Variants in TULP4 observed in about 807,000 individuals in gnomAD.
TULP4 encodes the protein tubby-related protein 4.
TULP4 carries 16 observed loss-of-function variants against 129.0 expected under a neutral mutation model. The ratio of observed to expected loss-of-function variants is 0.12; its 90% confidence interval spans 0.08 to 0.19. TULP4 has a LOEUF of 0.19. Among genes scored for constraint, TULP4 ranks in the 10% least tolerant of loss-of-function variants. TULP4 has a pLI of 1.00. For synonymous variants in TULP4, 998 were observed against 854.0 expected (o/e 1.17, Z -2.94); for missense variants, 1,842 against 2,059.1 (o/e 0.89, Z 2.04).
intron 1 of TULP4, among the ~76,000 whole-genome samples, chr6:158,254,242 AAATGATTCTC>A (rs1364255026): frequency 6.6e-6 from 1 of 152,120 alleles, no homozygotes; most frequent in Non-Finnish European, 1.5e-5. Context: ...TTCTGGGTTT[AAATGATTCTC>A]ATGACTCAGC....
rs1285720539 is a variant in TULP4 at position 158,508,442 on chromosome 6, C to G, written c.*1748C>G. The G allele has an allele frequency of 6.6e-6, 1 of 152,282 alleles. No individual in the cohort carries two copies. The highest frequency in any genetic ancestry group is 1.5e-5 in the Non-Finnish European group (1 of 68,048). The allele number at this position is 152,282 out of a possible 1,614,324, so 9.4% of individuals were successfully genotyped here. A position where few individuals can be genotyped will look rare whatever the true frequency, so the allele number is the denominator to read the frequency against. The stretch of plus-strand genomic sequence containing the variant: ...GACATGACATCACTCCCAATTCTCT[C>G]CAAACCCCAGAGAAATACTGACGAA... On this transcript the variant is annotated 3_prime_UTR_variant, in exon 14 of 14. Coordinates refer to ENST00000367097, the MANE Select transcript of TULP4 (RefSeq NM_020245.5).
intron 1 of TULP4, among the ~76,000 whole-genome samples, chr6:158,258,177 A>G (rs1304013292): frequency 6.6e-6 from 1 of 152,212 alleles, no homozygotes; most frequent in African/African-American, 2.4e-5. Context: ...CGTTGGAAGG[A>G]TTCTGGGCTG....
At chr6:158,421,497 T>G (rs928666099) in intron 2 of TULP4, among the ~76,000 whole-genome samples, 5 of 152,212 alleles carry the variant, frequency 3.3e-5, no homozygotes, top group Admixed American at 1.3e-4. Flanking sequence ...AGACCCGGGA[T>G]TGATAGAAAG....
chr6:158,429,563 A>T (rs1178417720), intron 2 of TULP4, among the ~76,000 whole-genome samples, 173 bp from the exon 3 acceptor site: 13 of 152,218 alleles, frequency 8.5e-5, no homozygotes, highest in Non-Finnish European at 2.9e-5. Context: ...TACAGGCATG[A>T]GGCACTGTGG....
At chr6:158,473,244 G>A (rs946479178) in intron 6 of TULP4, among the ~76,000 whole-genome samples, 39 of 152,140 alleles carry the variant, frequency 2.6e-4, no homozygotes, top group African/African-American at 7.2e-4. Flanking sequence ...CTTTCACTTA[G>A]GATTAACTCT....
In TULP4 at chr6:158,313,942, A is replaced by G. The variant is rs1003355135; in HGVS notation, c.-75A>G. On this transcript the variant is annotated 5_prime_UTR_variant, in exon 1 of 14. In the 5' UTR this introduces an upstream ATG that the reference lacks. Transcript: ENST00000367097. ...GCAAGCCAACCACAAAAACACATAT[A>G]CCAATGAAAGAAATTGGTTTAAATT... The G allele has an allele frequency of 2.6e-5, 40 of 1,549,026 alleles. No homozygotes were observed. The African/African-American group carries it at 4.6e-4, about 18-fold the overall frequency.
At chr6:158,283,149 A>C (rs1010997732) in intron 1 of TULP4, among the ~76,000 whole-genome samples, 3 of 151,802 alleles carry the variant, frequency 2.0e-5, no homozygotes, top group African/African-American at 4.9e-5. Flanking sequence ...AAAAAAAAAA[A>C]AACAAAAAAA....
chr6:158,505,372 G>A (rs1025958866), intron 13 of TULP4, among the ~76,000 whole-genome samples: 3 of 152,220 alleles, frequency 2.0e-5, no homozygotes, highest in Admixed American at 6.5e-5. Context: ...CTGGCCAGCC[G>A]CCTCTTTTTG....
intron 1 of TULP4, among the ~76,000 whole-genome samples, chr6:158,338,036 G>A (rs1780087742): frequency 6.6e-6 from 1 of 152,176 alleles, no homozygotes; most frequent in Admixed American, 6.5e-5. Context: ...AGTTATTGAA[G>A]GGTAGGTACA....
At chr6:158,381,968 TGAGCTCTTTTAGG>T (rs1310456764) in intron 1 of TULP4, among the ~76,000 whole-genome samples, 1 of 152,198 alleles carries the variant, frequency 6.6e-6, no homozygotes, top group African/African-American at 2.4e-5. Context: ...TACTAGACAG[TGAGCTCTTTTAGG>T]GAGGGAACAT....
In TULP4 at chr6:158,501,856, A is replaced by G. The variant is rs1562593497; in HGVS notation, c.2193A>G (p.Val731=). 1 of 1,614,150 alleles carries G rather than the reference A, an allele frequency of 6.2e-7. No homozygotes were observed. Among genetic ancestry groups the G allele is most frequent in the South Asian group, 1.1e-5 (1 of 91,086 alleles). The part of the protein sequence containing the change: ...LDVLTNQTTA[V]GTAEHAGDSA... ...TCCTGACCAACCAGACGACAGCTGT[A>G]GGGACAGCAGAACATGCAGGTGACA... Residue 731 remains valine (V), a synonymous_variant, in exon 13 of 14, where the codon GTA becomes GTG. Transcript: ENST00000367097.
At chr6:158,309,056 G>C (rs1457267398), upstream of TULP4, among the ~76,000 whole-genome samples, 1 of 137,262 alleles carries the variant, frequency 7.3e-6, no homozygotes, top group African/African-American at 2.7e-5. Context: ...CTCCCGGACG[G>C]GGTGGCTGCC....
intron 1 of TULP4, among the ~76,000 whole-genome samples, chr6:158,272,259 A>G (rs1474483180): frequency 6.6e-6 from 1 of 152,314 alleles, no homozygotes; most frequent in African/African-American, 2.4e-5. Flanking sequence ...GTGGTCACCA[A>G]TGTTTTTATC....
intron 1 of TULP4, among the ~76,000 whole-genome samples, chr6:158,257,156 C>G (rs1056623465): frequency 6.6e-6 from 1 of 152,138 alleles, no homozygotes; most frequent in Non-Finnish European, 1.5e-5. Flanking sequence ...TGTTGTTACT[C>G]ATTTCAGAAG....
intron 1 of TULP4, among the ~76,000 whole-genome samples, chr6:158,239,885 G>A: frequency 6.1e-5 from 4 of 65,632 alleles, no homozygotes; most frequent in Non-Finnish European, 1.1e-4. Flanking sequence ...CCCAGTAGGG[G>A]CGGCCGGGCA....
At chr6:158,457,509 G>A (rs982975134) in intron 5 of TULP4, among the ~76,000 whole-genome samples, 3 of 152,202 alleles carry the variant, frequency 2.0e-5, no homozygotes, top group East Asian at 1.9e-4. Context: ...TCTTCATCAC[G>A]CAATAAGCAG....
At chr6:158,423,079 C>A (rs558571261) in intron 2 of TULP4, among the ~76,000 whole-genome samples, 3 of 149,862 alleles carry the variant, frequency 2.0e-5, no homozygotes, top group African/African-American at 7.3e-5. Context: ...GAAGTGGAGA[C>A]CTGCCTGGGC....
chr6:158,263,624 G>T (rs56177986), intron 1 of TULP4, among the ~76,000 whole-genome samples: 21,933 of 152,136 alleles, frequency 0.14, 2,110 homozygotes, highest in Middle Eastern at 0.22. Context: ...GGCGTGATGG[G>T]ATGTGCCTGT....
intron 5 of TULP4, among the ~76,000 whole-genome samples, chr6:158,454,292 C>A (rs1427285187): frequency 2.6e-5 from 4 of 152,136 alleles, no homozygotes; most frequent in Admixed American, 2.6e-4. Context: ...TTCTGTCTTT[C>A]ATGGAGCTAA....
Sources: allele counts gnomAD v4.1 joint callset (sites outside exome capture counted in the v4.1 genomes callset), GRCh38; gene constraint gnomAD v4.1.1; transcripts MANE v1.5; gene names NCBI Gene and HGNC (gene_info 2026-07-23, HGNC 2026-07-21).